Variants in HOXC10 observed in about 807,000 individuals in gnomAD.
The protein encoded by HOXC10 is homeobox protein Hox-C10.
A neutral mutation model predicts 26.0 loss-of-function variants in HOXC10; 15 were observed. The observed-to-expected ratio is 0.58, with a 90% CI of 0.39 to 0.89. The LOEUF (loss-of-function observed/expected upper bound fraction) is 0.89. Ranked by LOEUF, HOXC10 falls within the 40% of genes least tolerant of loss-of-function variation. The pLI, the probability that HOXC10 is intolerant of heterozygous loss-of-function variation, is 0.00. For synonymous variants in HOXC10, 196 were observed against 185.5 expected (o/e 1.06, Z -0.46); for missense variants, 446 against 451.9 (o/e 0.99, Z 0.12).
Position 53,990,101 on chromosome 12 carries a change from A to G in HOXC10, c.*655A>G, listed in dbSNP as rs370073253. On this transcript the variant is annotated 3_prime_UTR_variant, in exon 2 of 2. Coordinates refer to ENST00000303460, the MANE Select transcript of HOXC10 (RefSeq NM_017409.4). ...TCAGAAATTTCATCCAGAGGAACAAAAAAATTAAAAATAGAACATAGCAAA... is the reference window on the plus strand; with the variant it reads ...TCAGAAATTTCATCCAGAGGAACAAGAAAATTAAAAATAGAACATAGCAAA... The G allele has an allele frequency of 1.7e-4, 26 of 150,988 alleles. 4 individuals are homozygous for G. The highest frequency in any genetic ancestry group is 4.0e-4 in the Admixed American group (6 of 15,056). The allele number at this position is 150,988 out of a possible 1,614,324, so 9.4% of individuals were successfully genotyped here.
chr12:53,988,077 T>G (rs1939464969), intron 1 of HOXC10, among the ~76,000 whole-genome samples: 1 of 152,028 alleles, frequency 6.6e-6, no homozygotes, highest in South Asian at 2.1e-4. Flanking sequence ...GAGAGAGAGC[T>G]CAGAGCCATC....
intron 1 of HOXC10, 34 bp from the exon 2 acceptor site, chr12:53,989,135 G>A: frequency 6.4e-6 from 10 of 1,567,348 alleles, no homozygotes; most frequent in Non-Finnish European, 8.6e-6. Context: ...TCGACTTCGA[G>A]GGATACTTAT....
At chr12:53,987,281 C>T (rs1172832555) in intron 1 of HOXC10, among the ~76,000 whole-genome samples, 1 of 152,196 alleles carries the variant, frequency 6.6e-6, no homozygotes, top group African/African-American at 2.4e-5. Context: ...TGCACACTCA[C>T]GCATGCCCGC....
chr12:53,989,602 G>A lies in HOXC10; in HGVS notation c.*156G>A, dbSNP rs1939486714. On this transcript the variant is annotated 3_prime_UTR_variant, in exon 2 of 2. Transcript: ENST00000303460. ...AGACTCTCCTTCCAAGGGACCTGTG[G>A]TTCGTGCTGCGAAGATGCTTCCACT... 4.1e-6 allele frequency: 3 copies of A among 731,430 alleles called. No homozygotes were observed. In the South Asian group the frequency reaches 5.9e-5, roughly 14 times the overall value. 45.3% of individuals were successfully genotyped at this position (731,430 alleles called of 1,614,324 possible).
At position 53,989,305 on chromosome 12, in the gene HOXC10, G is replaced by A. The variant is rs747554712; in HGVS notation, c.888G>A (p.Glu296=). 1.2e-6 allele frequency: 2 copies of A among 1,614,196 alleles called. No homozygotes were observed. The highest frequency in any genetic ancestry group is 1.1e-5 in the South Asian group (1 of 91,084). ...TGTTCAATATGTATTTGACGCGAGA[G>A]CGCCGCCTGGAGATTAGCAAGACCA... The part of the protein sequence containing the change: ...EFLFNMYLTR[E]RRLEISKTIN... The change falls in exon 2 of 2, where the codon GAG becomes GAA. Residue 296 remains glutamate (E), a synonymous_variant. Transcript: ENST00000303460.
Position 53,985,530 on chromosome 12 carries a change from C to A in HOXC10, c.271C>A (p.Pro91Thr), listed in dbSNP as rs1439968021. 5 of 1,613,812 alleles carry A rather than the reference C, an allele frequency of 3.1e-6. No homozygotes were observed. The African/African-American group carries it at 5.3e-5, about 17-fold the overall frequency. The change falls in exon 1 of 2, where the codon CCT becomes ACT. Residue 91 changes from proline (P) to threonine (T), a missense_variant. Coordinates refer to ENST00000303460, the MANE Select transcript of HOXC10 (RefSeq NM_017409.4). ...CAAAGCCGCCTATCGCCTGGAACAACCTGTTGGCAGGCCGCTGTCCTCCTG... is the reference window on the plus strand; with the variant it reads ...CAAAGCCGCCTATCGCCTGGAACAAACTGTTGGCAGGCCGCTGTCCTCCTG... ...DPKAAYRLEQ[P>T]VGRPLSSCSY...
chr12:53,986,065 C>T lies in HOXC10; in HGVS notation c.751+55C>T. 2.7e-6 allele frequency: 4 copies of T among 1,486,070 alleles called. No homozygotes were observed. The East Asian group carries it at 9.4e-5, about 35-fold the overall frequency. 92.1% of individuals were successfully genotyped at this position (1,486,070 alleles called of 1,614,324 possible). A position where few individuals can be genotyped will look rare whatever the true frequency, so the allele number is the denominator to read the frequency against. ...GGGACGTTCCGGCACTTGGTCTTCG[C>T]GGCCGGGGAGGGGGGCAGGGGAGAG... On this transcript the variant is annotated intron_variant, in intron 1 of 1. Coordinates refer to ENST00000303460, the MANE Select transcript of HOXC10 (RefSeq NM_017409.4).
rs1260513480 is a variant in HOXC10, at chr12:53,985,326, G to A, written c.67G>A (p.Glu23Lys). Residue 23 changes from glutamate (E) to lysine (K), a missense_variant, in exon 1 of 2, where the codon GAG becomes AAG. Glu to Lys is a moderately conservative substitution (Grantham distance 56, BLOSUM62 1). Transcript: ENST00000303460. Reference protein sequence around the residue: ...AEPLAAPGGGERYSRSAGMYM... With the variant: ...AEPLAAPGGGKRYSRSAGMYM... Reference sequence around the variant, plus strand: ...GCCCTTGGCTGCGCCCGGCGGAGGAGAGCGCTATAGCCGGAGCGCAGGCAT... The same window carrying A: ...GCCCTTGGCTGCGCCCGGCGGAGGAAAGCGCTATAGCCGGAGCGCAGGCAT... 1.9e-6 allele frequency: 3 copies of A among 1,608,226 alleles called. No individual in the cohort carries two copies. The highest frequency in any genetic ancestry group is 2.5e-6 in the Non-Finnish European group (3 of 1,177,126).
At position 53,985,184 on chromosome 12, in the gene HOXC10, C is replaced by G. The variant is rs560831761; in HGVS notation, c.-76C>G. The G allele has an allele frequency of 6.1e-5, 83 of 1,353,672 alleles. No homozygotes were observed. The highest frequency in any genetic ancestry group is 3.3e-4 in the Admixed American group (12 of 36,776). 83.9% of individuals were successfully genotyped at this position (1,353,672 alleles called of 1,614,324 possible). On this transcript the variant is annotated 5_prime_UTR_variant, in exon 1 of 2. Coordinates refer to ENST00000303460, the MANE Select transcript of HOXC10 (RefSeq NM_017409.4). ...CTCCCTCCCCTCCAACCGCGCCCCCCCTCCCGGATGGGGAAAAAAAAAGAT... is the reference window on the plus strand; with the variant it reads ...CTCCCTCCCCTCCAACCGCGCCCCCGCTCCCGGATGGGGAAAAAAAAAGAT...
Position 53,989,422 on chromosome 12 carries a change from GA to G in HOXC10, c.1006del (p.Thr336ProfsTer38), listed in dbSNP as rs1309537291. The G allele has an allele frequency of 6.2e-7, 1 of 1,613,210 alleles. No homozygotes were observed. The highest frequency in any genetic ancestry group is 8.5e-7 in the Non-Finnish European group (1 of 1,179,662). On this transcript the variant is annotated frameshift_variant, in exon 2 of 2. Coordinates refer to ENST00000303460, the MANE Select transcript of HOXC10 (RefSeq NM_017409.4). LOFTEE classifies it high-confidence loss of function. ...ACCGAGAGAATCGGATCCGGGAACTGACCTCCAATTTTAATTTCACCTGAGA... is the reference window on the plus strand; with the variant it reads ...ACCGAGAGAATCGGATCCGGGAACTGCCTCCAATTTTAATTTCACCTGAGA... ...MNRENRIREL[T>X]SNFNFT is the part of the protein sequence containing the mutation.
At position 53,989,626 on chromosome 12, in the gene HOXC10, C is replaced by T; in HGVS notation, c.*180C>T. ...GGTTCGTGCTGCGAAGATGCTTCCA[C>T]TTAAAGCATGAGAAATGGGGTGCCG... is the stretch of plus-strand genomic sequence containing the variant. On this transcript the variant is annotated 3_prime_UTR_variant, in exon 2 of 2. Coordinates refer to ENST00000303460, the MANE Select transcript of HOXC10 (RefSeq NM_017409.4). The T allele has an allele frequency of 1.5e-6, 1 of 647,086 alleles. No homozygotes were observed. The highest frequency in any genetic ancestry group is 2.0e-5 in the South Asian group (1 of 49,042). The allele number at this position is 647,086 out of a possible 1,614,324, so 40.1% of individuals were successfully genotyped here.
intron 1 of HOXC10, among the ~76,000 whole-genome samples, chr12:53,987,572 C>T (rs1592201725): frequency 6.6e-6 from 1 of 152,190 alleles, no homozygotes; most frequent in Admixed American, 6.5e-5. Context: ...TAGCCCCCAC[C>T]AAAAGCAAAG....
In HOXC10 at chr12:53,985,270, C is replaced by T. The variant is rs952280523; in HGVS notation, c.11C>T (p.Pro4Leu). The T allele has an allele frequency of 2.6e-6, 4 of 1,551,708 alleles. No individual in the cohort carries two copies. Among genetic ancestry groups the T allele is most frequent in the African/African-American group, 1.4e-5 (1 of 72,514 alleles). MTC[P>L]RNVTPNSYAE... Reference sequence around the variant, plus strand: ...CCCCTCTCTCTGAAAATGACATGCCCTCGCAATGTAACTCCGAACTCGTAC... The same window carrying T: ...CCCCTCTCTCTGAAAATGACATGCCTTCGCAATGTAACTCCGAACTCGTAC... The change falls in exon 1 of 2, where the codon CCT (proline) becomes CTT (leucine). Residue 4 changes from proline to leucine, a missense_variant. Coordinates refer to ENST00000303460, the MANE Select transcript of HOXC10 (RefSeq NM_017409.4).
In HOXC10 at chr12:53,990,247, A is replaced by C. The variant is rs1005665014; in HGVS notation, c.*801A>C. 1 of 151,620 alleles carries C rather than the reference A, an allele frequency of 6.6e-6. No individual in the cohort carries two copies. Among genetic ancestry groups the C allele is most frequent in the African/African-American group, 2.4e-5 (1 of 40,922 alleles). The allele number at this position is 151,620 out of a possible 1,614,324, so 9.4% of individuals were successfully genotyped here. On this transcript the variant is annotated 3_prime_UTR_variant, in exon 2 of 2. Coordinates refer to ENST00000303460, the MANE Select transcript of HOXC10 (RefSeq NM_017409.4). ...TAGCTTCCTTAATGGAGAAAAAAAAACCTAATAAATTTCCAGAATCATAAT... is the reference window on the plus strand; with the variant it reads ...TAGCTTCCTTAATGGAGAAAAAAAACCCTAATAAATTTCCAGAATCATAAT...
In HOXC10 at chr12:53,989,625, A is replaced by G. The variant is rs1392960136; in HGVS notation, c.*179A>G. On this transcript the variant is annotated 3_prime_UTR_variant, in exon 2 of 2. Transcript: ENST00000303460. The stretch of plus-strand genomic sequence containing the variant: ...TGGTTCGTGCTGCGAAGATGCTTCC[A>G]CTTAAAGCATGAGAAATGGGGTGCC... The G allele has an allele frequency of 6.2e-6, 4 of 648,116 alleles. No individual in the cohort carries two copies. The highest frequency in any genetic ancestry group is 1.1e-5 in the Non-Finnish European group (4 of 380,878). 40.1% of individuals were successfully genotyped at this position (648,116 alleles called of 1,614,324 possible). A position where few individuals can be genotyped will look rare whatever the true frequency, so the allele number is the denominator to read the frequency against.
At position 53,989,315 on chromosome 12, in the gene HOXC10, G is replaced by A. The variant is rs759568381; in HGVS notation, c.898G>A (p.Glu300Lys). Reference sequence around the variant, plus strand: ...GTATTTGACGCGAGAGCGCCGCCTGGAGATTAGCAAGACCATTAACCTTAC... The same window carrying A: ...GTATTTGACGCGAGAGCGCCGCCTGAAGATTAGCAAGACCATTAACCTTAC... ...NMYLTRERRL[E>K]ISKTINLTDR... is the part of the protein sequence containing the mutation. Residue 300 changes from glutamate to lysine, a missense_variant, in exon 2 of 2, where the codon GAG becomes AAG. Glu to Lys is a moderately conservative substitution (Grantham distance 56). Transcript: ENST00000303460. The A allele has an allele frequency of 6.2e-7, 1 of 1,614,178 alleles. No homozygotes were observed. Among genetic ancestry groups the A allele is most frequent in the Non-Finnish European group, 8.5e-7 (1 of 1,180,032 alleles).
In HOXC10 at chr12:53,985,311, G is replaced by A. The variant is rs1565718649; in HGVS notation, c.52G>A (p.Ala18Thr). Residue 18 changes from alanine to threonine, a missense_variant, in exon 1 of 2, where the codon GCG becomes ACG. By Grantham distance (58) the Ala-to-Thr change is moderately conservative (BLOSUM62 0). Transcript: ENST00000303460. ...TPNSYAEPLA[A>T]PGGGERYSRS... ...GAACTCGTACGCGGAGCCCTTGGCT[G>A]CGCCCGGCGGAGGAGAGCGCTATAG... 6.3e-7 allele frequency: 1 copy of A among 1,595,008 alleles called. No homozygotes were observed. Among genetic ancestry groups the A allele is most frequent in the Admixed American group, 1.8e-5 (1 of 55,870 alleles).
chr12:53,987,477 G>A (rs957281679), intron 1 of HOXC10, among the ~76,000 whole-genome samples: 7 of 152,346 alleles, frequency 4.6e-5, no homozygotes, highest in Admixed American at 4.6e-4. Context: ...TGGCACGTGT[G>A]CAGTGTGAAG....
Position 53,989,605 on chromosome 12 carries a change from C to T in HOXC10, c.*159C>T. On this transcript the variant is annotated 3_prime_UTR_variant, in exon 2 of 2. Transcript: ENST00000303460. ...CTCTCCTTCCAAGGGACCTGTGGTT[C>T]GTGCTGCGAAGATGCTTCCACTTAA... 4.2e-6 allele frequency: 3 copies of T among 716,728 alleles called. No homozygotes were observed. The highest frequency in any genetic ancestry group is 4.0e-5 in the South Asian group (2 of 50,610). The allele number at this position is 716,728 out of a possible 1,614,324, so 44.4% of individuals were successfully genotyped here. A position where few individuals can be genotyped will look rare whatever the true frequency, so the allele number is the denominator to read the frequency against.
Sources: gnomAD v4.1 joint callset for allele counts (sites outside exome capture counted in the v4.1 genomes callset) on GRCh38, gnomAD v4.1.1 for gene constraint, MANE v1.5 for transcripts, NCBI Gene and HGNC (gene_info 2026-07-23, HGNC 2026-07-21) for gene names.